The following CACNA1C variants were observed in gnomAD, a reference collection of about 807,000 sequenced individuals.
CACNA1C encodes the protein calcium voltage-gated channel subunit alpha1 C.
In CACNA1C, 30 loss-of-function variants were observed where a neutral mutation model predicts 229.0. The ratio of observed to expected loss-of-function variants is 0.13; its 90% CI spans 0.10 to 0.18. The LOEUF (loss-of-function observed/expected upper bound fraction) is 0.18. CACNA1C is among the 10% of genes least tolerant of loss of function. CACNA1C has a pLI of 1.00. For synonymous variants in CACNA1C, 1,114 were observed against 1,132.5 expected, an observed-to-expected ratio of 0.98 and a Z score of 0.33; for missense variants, 1,658 against 2,845.0, an observed-to-expected ratio of 0.58 and a Z score of 9.49.
chr12:2,634,419 C>A, intron 30 of CACNA1C, 39 bp downstream of exon 30: 1 of 1,024,434 alleles, frequency 9.8e-7, no homozygotes, highest in Non-Finnish European at 1.4e-6. Flanking sequence ...TCCGTGCCTG[C>A]TCTAACACTC....
intron 3 of CACNA1C, among the ~76,000 whole-genome samples, chr12:2,333,837 C>T (rs1282665710): frequency 6.6e-6 from 1 of 152,212 alleles, no homozygotes; most frequent in East Asian, 1.9e-4. Flanking sequence ...CACAGCCCTC[C>T]TTAGGGTCTC....
intron 34 of CACNA1C, 98 bp downstream of exon 34, chr12:2,655,336 AG>A: frequency 1.4e-6 from 1 of 720,146 alleles, no homozygotes. Flanking sequence ...CTTCCCGGGG[AG>A]TAGGAAGGGA....
At chr12:2,229,843 A>G (rs1191830851) in intron 3 of CACNA1C, among the ~76,000 whole-genome samples, 1 of 152,156 alleles carries the variant, frequency 6.6e-6, no homozygotes, top group African/African-American at 2.4e-5. Context: ...CGGGCGGAGC[A>G]GGGCGTTGCA....
chr12:2,089,424 G>A (rs1431978803), intron 1 of CACNA1C, among the ~76,000 whole-genome samples: 1 of 152,174 alleles, frequency 6.6e-6, no homozygotes, highest in Non-Finnish European at 1.5e-5. Context: ...CGCCGTGCGA[G>A]GTACTTGGAG....
chr12:2,411,838 G>A (rs1310686663), intron 3 of CACNA1C, among the ~76,000 whole-genome samples: 2 of 152,240 alleles, frequency 1.3e-5, no homozygotes, highest in Admixed American at 6.5e-5. Context: ...CTGAAGCTCT[G>A]CCCCAAAGGA....
intron 5 of CACNA1C, among the ~76,000 whole-genome samples, chr12:2,474,943 T>A (rs1164488457): frequency 1.3e-5 from 2 of 152,174 alleles, no homozygotes; most frequent in East Asian, 3.9e-4. Flanking sequence ...CAAATGTGAA[T>A]CCTCTGTGGA....
intron 3 of CACNA1C, among the ~76,000 whole-genome samples, chr12:2,442,117 G>A (rs2099234238): frequency 6.6e-6 from 1 of 152,182 alleles, no homozygotes; most frequent in Non-Finnish European, 1.5e-5. Flanking sequence ...CTTCTCATCA[G>A]TAAAGACTCA....
intron 10 of CACNA1C, among the ~76,000 whole-genome samples, chr12:2,556,012 T>C (rs1261636171): frequency 6.6e-6 from 1 of 152,166 alleles, no homozygotes; most frequent in Non-Finnish European, 1.5e-5. Context: ...CTTCTGCTTC[T>C]CCATCTGAAC....
intron 3 of CACNA1C, among the ~76,000 whole-genome samples, chr12:2,340,394 C>G (rs2096828086): frequency 6.6e-6 from 1 of 152,210 alleles, no homozygotes; most frequent in Non-Finnish European, 1.5e-5. Context: ...TGCCAACAGG[C>G]TGAGCATTAT....
chr12:2,682,730 G>C (rs2097207642), intron 43 of CACNA1C, 52 bp downstream of exon 43: 14 of 1,577,368 alleles, frequency 8.9e-6, no homozygotes, highest in Non-Finnish European at 1.2e-5. Context: ...GAACAAATGT[G>C]GGGAGGCAGA....
chr12:2,347,321 G>A (rs183223955), intron 3 of CACNA1C, among the ~76,000 whole-genome samples: 38 of 152,292 alleles, frequency 2.5e-4, no homozygotes, highest in Non-Finnish European at 4.4e-4. Context: ...CCGATCATAC[G>A]GTTTACATTT....
At chr12:2,397,699 A>G (rs1034530262) in intron 3 of CACNA1C, among the ~76,000 whole-genome samples, 6 of 152,220 alleles carry the variant, frequency 3.9e-5, no homozygotes, top group Admixed American at 3.3e-4. Context: ...GCTGGTGAGG[A>G]TGGAAACACC....
chr12:2,271,815 G>T (rs2085134611), intron 3 of CACNA1C, among the ~76,000 whole-genome samples: 1 of 152,080 alleles, frequency 6.6e-6, no homozygotes. Context: ...AGGATTGCCT[G>T]GGCCCAGGAG....
intron 2 of CACNA1C, among the ~76,000 whole-genome samples, chr12:2,116,635 G>A (rs1312679337): frequency 6.6e-6 from 1 of 151,892 alleles, no homozygotes; most frequent in Non-Finnish European, 1.5e-5. Context: ...CCAAAGTGTT[G>A]GGATTACAGG....
intron 29 of CACNA1C, among the ~76,000 whole-genome samples, chr12:2,616,627 A>G (rs1305017736): frequency 6.6e-6 from 1 of 152,196 alleles, no homozygotes; most frequent in African/African-American, 2.4e-5. Flanking sequence ...CCCGTGAGCC[A>G]TGGGGCACCC....
Position 2,597,299 on chromosome 12 carries a change from C to T in CACNA1C, c.2853+10C>T, listed in dbSNP as rs1440624065. On this transcript the variant is annotated intron_variant, in intron 21 of 46. Transcript: ENST00000399655. The surrounding 1 kb of genome is among the most constrained non-coding windows in gnomAD (Gnocchi z 4.3). ...TGAAATTGCTCTGAAGGTAAAGCCC[C>T]CATCCCCTTCTGCTCCTCCTGTCCC... 2.5e-6 allele frequency: 4 copies of T among 1,602,208 alleles called. No homozygotes were observed. Among genetic ancestry groups the T allele is most frequent in the Admixed American group, 1.7e-5 (1 of 59,998 alleles).
At chr12:2,278,150 G>A (rs1279250525) in intron 3 of CACNA1C, among the ~76,000 whole-genome samples, 1 of 152,220 alleles carries the variant, frequency 6.6e-6, no homozygotes, top group African/African-American at 2.4e-5. Context: ...TTTTCTCCCA[G>A]CTTTCATATC....
At chr12:2,588,278 C>A (rs957837680) in intron 18 of CACNA1C, among the ~76,000 whole-genome samples, 3 of 152,260 alleles carry the variant, frequency 2.0e-5, no homozygotes, top group African/African-American at 7.2e-5. Context: ...GGCCGCTGGC[C>A]CCTGCCATGC....
chr12:2,438,290 A>ATGGTGGTGGTGGTGG (rs755702533), intron 3 of CACNA1C, among the ~76,000 whole-genome samples: 5 of 122,526 alleles, frequency 4.1e-5, no homozygotes, highest in African/African-American at 1.3e-4. Context: ...AGTGGTAATG[A>ATGGTGGTGGTGGTGG]TGGTGGTGGT....
Sources: gnomAD v4.1 joint callset for allele counts (sites outside exome capture counted in the v4.1 genomes callset) on GRCh38, gnomAD v4.1.1 for gene constraint, Gnocchi (gnomAD v3.1) non-coding constraint, MANE v1.5 for transcripts, NCBI Gene and HGNC (gene_info 2026-07-23, HGNC 2026-07-21) for gene names.